Variants in EGLN3 observed in about 807,000 individuals in gnomAD.
EGLN3 encodes the protein prolyl hydroxylase EGLN3.
EGLN3 carries 15 observed loss-of-function variants against 26.0 expected under a neutral mutation model. The ratio of observed to expected loss-of-function variants is 0.58; its 90% CI spans 0.39 to 0.89. The LOEUF is 0.89. Ranked by LOEUF, EGLN3 falls within the 40% of genes least tolerant of loss-of-function variation. The pLI is 0.00. For missense variants in EGLN3, 238 were observed against 311.6 expected (o/e 0.76, Z 1.78); for synonymous variants, 147 against 127.2 (o/e 1.16, Z -1.05).
intron 1 of EGLN3, 24 bp from the exon 2 acceptor site, chr14:33,931,239 T>C (rs770313024): frequency 6.2e-7 from 1 of 1,614,058 alleles, no homozygotes; most frequent in Non-Finnish European, 8.5e-7. Context: ...CCAAGAAAGC[T>C]GGTTAACAAA....
At chr14:33,928,653 C>T (rs2138810171) in intron 3 of EGLN3, among the ~76,000 whole-genome samples, 1 of 152,232 alleles carries the variant, frequency 6.6e-6, no homozygotes, top group South Asian at 2.1e-4. Context: ...CTTCTCAAGG[C>T]TCTTTCTCTG....
intron 1 of EGLN3, among the ~76,000 whole-genome samples, chr14:33,938,315 A>T (rs2138820107): frequency 6.6e-6 from 1 of 152,294 alleles, no homozygotes; most frequent in Admixed American, 6.5e-5. Context: ...TCCTTTCTGC[A>T]TTGTGGTTAA....
chr14:33,930,208 G>A (rs2064392240), intron 2 of EGLN3, among the ~76,000 whole-genome samples: 1 of 152,178 alleles, frequency 6.6e-6, no homozygotes, highest in African/African-American at 2.4e-5. Flanking sequence ...TTACCAGTCT[G>A]ATAACTTTAT....
Position 33,926,988 on chromosome 14 carries a change from T to C in EGLN3, c.660A>G (p.Glu220=). 3.1e-6 allele frequency: 5 copies of C among 1,607,956 alleles called. No individual in the cohort carries two copies. The highest frequency in any genetic ancestry group is 4.2e-6 in the Non-Finnish European group (5 of 1,177,150). ...VWYFDAEERA[E]AKKKFRNLTR... Reference sequence around the variant, plus strand: ...TTAAATTCCTGAATTTCTTTTTGGCTTCTGCCCTTTCTTCAGCATCAAAGT... The same window carrying C: ...TTAAATTCCTGAATTTCTTTTTGGCCTCTGCCCTTTCTTCAGCATCAAAGT... Residue 220 remains glutamate, a synonymous_variant, in exon 4 of 5, where the codon GAA becomes GAG. Transcript: ENST00000250457.
intron 1 of EGLN3, among the ~76,000 whole-genome samples, chr14:33,940,796 G>A (rs1186713593): frequency 6.6e-6 from 1 of 151,992 alleles, no homozygotes; most frequent in African/African-American, 2.4e-5. Context: ...GAGCAGTAAT[G>A]AGGAGAATTA....
At chr14:33,930,751 A>C (rs2064396955) in intron 2 of EGLN3, among the ~76,000 whole-genome samples, 1 of 152,156 alleles carries the variant, frequency 6.6e-6, no homozygotes, top group Admixed American at 6.6e-5. Flanking sequence ...GGGAGGGAAA[A>C]GTGTATATCC....
intron 3 of EGLN3, among the ~76,000 whole-genome samples, chr14:33,928,071 A>G (rs529706099): frequency 6.6e-6 from 1 of 152,220 alleles, no homozygotes; most frequent in Admixed American, 6.5e-5. Context: ...TTTTCCCTGT[A>G]AGGCCAGTCA....
rs1049995193 is a variant in EGLN3, at chr14:33,925,185, C to T, written c.*706G>A. 3.3e-5 allele frequency: 5 copies of T among 152,024 alleles called. No homozygotes were observed. Among genetic ancestry groups the T allele is most frequent in the Admixed American group, 3.3e-4 (5 of 15,252 alleles). 9.4% of individuals were successfully genotyped at this position (152,024 alleles called of 1,614,324 possible). A position where few individuals can be genotyped will look rare whatever the true frequency, so the allele number is the denominator to read the frequency against. On this transcript the variant is annotated 3_prime_UTR_variant, in exon 5 of 5. Transcript: ENST00000250457. ...TTTTAGCTTCTGGGGAATTAGGTTC[C>T]CAGGTAAGAACTGAAAATGGAGAAA...
At chr14:33,944,675 C>T (rs894145795) in intron 1 of EGLN3, among the ~76,000 whole-genome samples, 5 of 152,114 alleles carry the variant, frequency 3.3e-5, no homozygotes, top group Non-Finnish European at 7.4e-5. Flanking sequence ...TGAGCGTAAA[C>T]GTGCACTTTT....
intron 1 of EGLN3, among the ~76,000 whole-genome samples, chr14:33,936,639 G>A (rs1450253314): frequency 6.6e-6 from 1 of 151,844 alleles, no homozygotes; most frequent in Non-Finnish European, 1.5e-5. Flanking sequence ...TTAGTAGCTG[G>A]AACAAAGGCA....
In EGLN3 at chr14:33,937,995, C is replaced by T. The variant is rs117107979; in HGVS notation, c.358-6780G>A. ...TGTCCTCAGATGAACTTGGTCCTAG[C>T]TTCAGGATCATTAACTACCCAGAGC... On this transcript the variant is annotated intron_variant, in intron 1 of 4. Transcript: ENST00000250457. Among the ~76,000 whole-genome samples, 7 of 152,314 alleles carry T rather than the reference C, an allele frequency of 4.6e-5. No homozygotes were observed. The East Asian group carries it at 1.2e-3, about 25-fold the overall frequency.
chr14:33,926,052 G>A, intron 4 of EGLN3, 130 bp from the exon 5 acceptor site: 1 of 813,058 alleles, frequency 1.2e-6, no homozygotes, highest in Non-Finnish European at 2.0e-6. Context: ...ATAGAGCTCT[G>A]CCAAAGGATT....
chr14:33,944,208 A>T (rs2064502313), intron 1 of EGLN3, among the ~76,000 whole-genome samples: 1 of 151,612 alleles, frequency 6.6e-6, no homozygotes, highest in Non-Finnish European at 1.5e-5. Context: ...TGCAACCTCC[A>T]CCTCCCAGGT....
intron 1 of EGLN3, chr14:33,949,887 C>G: frequency 2.0e-5 from 4 of 198,414 alleles, no homozygotes; most frequent in East Asian, 1.3e-4. Flanking sequence ...TACCCTTTCA[C>G]ACCTGCCCAA....
At chr14:33,945,324 G>T (rs1441030410) in intron 1 of EGLN3, among the ~76,000 whole-genome samples, 1 of 152,182 alleles carries the variant, frequency 6.6e-6, no homozygotes, top group African/African-American at 2.4e-5. Context: ...CTCAAACTCT[G>T]TGCTCTAAGA....
At chr14:33,949,431 A>G (rs1390176756) in intron 1 of EGLN3, 2 of 152,218 alleles carry the variant, frequency 1.3e-5, no homozygotes, top group East Asian at 3.8e-4. Flanking sequence ...TGTTTCAGTA[A>G]AAGTTTTCCG....
intron 1 of EGLN3, among the ~76,000 whole-genome samples, chr14:33,934,309 C>A (rs2064424814): frequency 6.6e-6 from 1 of 152,084 alleles, no homozygotes; most frequent in African/African-American, 2.4e-5. Context: ...CGTATGCAGC[C>A]ATGTCCAGAC....
At chr14:33,948,490 A>T (rs1443041895) in intron 1 of EGLN3, 1 of 152,216 alleles carries the variant, frequency 6.6e-6, no homozygotes, top group East Asian at 1.9e-4. Flanking sequence ...GGGACAGGAT[A>T]AATTTTATTT....
At chr14:33,942,470 T>C (rs2064490386) in intron 1 of EGLN3, among the ~76,000 whole-genome samples, 1 of 152,126 alleles carries the variant, frequency 6.6e-6, no homozygotes, top group Admixed American at 6.5e-5. Context: ...ACCTGTAGTT[T>C]CAGTACTTTG....
Sources: allele counts gnomAD v4.1 joint callset (sites outside exome capture counted in the v4.1 genomes callset), GRCh38; gene constraint gnomAD v4.1.1; transcripts MANE v1.5; gene names NCBI Gene and HGNC (gene_info 2026-07-23, HGNC 2026-07-21).